Variants in PCDHGB4 observed in about 807,000 individuals in gnomAD.
PCDHGB4 encodes protocadherin gamma subfamily B, 4.
A neutral mutation model predicts 60.5 loss-of-function variants in PCDHGB4; 38 were observed. The ratio of observed to expected loss-of-function variants is 0.63; its 90% confidence interval spans 0.48 to 0.82. The LOEUF is 0.82. PCDHGB4 is among the 40% of genes least tolerant of loss of function. The probability of loss-of-function intolerance (pLI) is 0.00; values close to 1 mark genes in which losing one functional copy is unlikely to be tolerated. For missense variants in PCDHGB4, 1,109 were observed against 1,209.6 expected (o/e 0.92, Z 1.23); for synonymous variants, 456 against 509.7 (o/e 0.89, Z 1.42).
chr5:141,430,383 G>GAA (rs139772145), intron 1 of PCDHGB4, among the ~76,000 whole-genome samples: 39 of 138,602 alleles, frequency 2.8e-4, no homozygotes, highest in African/African-American at 7.9e-4. Context: ...AGCTCATTGG[G>GAA]AAAAAAAAAA....
At chr5:141,419,109 A>T in intron 1 of PCDHGB4, 1 of 1,613,940 alleles carries the variant, frequency 6.2e-7, no homozygotes, top group Non-Finnish European at 8.5e-7. Flanking sequence ...CAGACCCCAG[A>T]GTACAACGTC....
At chr5:141,394,753 A>G (rs2093084981) in intron 1 of PCDHGB4, 1 of 1,613,278 alleles carries the variant, frequency 6.2e-7, no homozygotes, top group Admixed American at 1.7e-5. Context: ...GTGGCCGTCC[A>G]GGACCATGGC....
intron 1 of PCDHGB4, chr5:141,409,624 G>A (rs747166507): frequency 2.5e-6 from 4 of 1,613,846 alleles, no homozygotes; most frequent in Non-Finnish European, 3.4e-6. Flanking sequence ...TTGCGCAAGT[G>A]AGCGCCTCTG....
chr5:141,430,832 G>A (rs1398773861), intron 1 of PCDHGB4: 1 of 1,555,686 alleles, frequency 6.4e-7, no homozygotes, highest in South Asian at 1.3e-5. Flanking sequence ...GACTCTGTGG[G>A]AGACCGGATG....
At chr5:141,473,501 G>A (rs1053399138) in intron 1 of PCDHGB4, among the ~76,000 whole-genome samples, 2 of 152,188 alleles carry the variant, frequency 1.3e-5, no homozygotes, top group South Asian at 4.1e-4. Context: ...GGTGTTCTGA[G>A]AGAGCATAAC....
intron 1 of PCDHGB4, among the ~76,000 whole-genome samples, chr5:141,461,980 C>G (rs759291534): frequency 9.2e-5 from 14 of 152,176 alleles, no homozygotes; most frequent in Non-Finnish European, 1.5e-4. Flanking sequence ...TATGCCACCA[C>G]GCCAGGCTAA....
At chr5:141,413,329 A>G (rs762420040) in intron 1 of PCDHGB4, 1 of 1,613,966 alleles carries the variant, frequency 6.2e-7, no homozygotes, top group Non-Finnish European at 8.5e-7. Context: ...CGTGGGCAAC[A>G]TCTCCAAGGA....
intron 1 of PCDHGB4, among the ~76,000 whole-genome samples, chr5:141,457,480 G>T (rs566798464): frequency 6.6e-6 from 1 of 152,148 alleles, no homozygotes; most frequent in African/African-American, 2.4e-5. Context: ...GCAGGGCCAG[G>T]GTTAGTCTAA....
In PCDHGB4 at chr5:141,387,729, A is replaced by C. The variant is rs536775462; in HGVS notation, c.-156A>C. ...GCCCCAGCTCAGACTCCCCAGCGCC[A>C]GCCTTTACACCGCTTCCTCCTCGGA... On this transcript the variant is annotated 5_prime_UTR_variant, in exon 1 of 4. Coordinates refer to ENST00000519479, the MANE Select transcript of PCDHGB4 (RefSeq NM_003736.4). The C allele has an allele frequency of 4.9e-6, 6 of 1,227,140 alleles. No individual in the cohort carries two copies. The African/African-American group carries it at 7.6e-5, about 16-fold the overall frequency. The allele number at this position is 1,227,140 out of a possible 1,614,324, so 76.0% of individuals were successfully genotyped here.
intron 1 of PCDHGB4, among the ~76,000 whole-genome samples, chr5:141,429,564 C>A (rs995466828): frequency 2.0e-5 from 3 of 152,092 alleles, no homozygotes; most frequent in African/African-American, 7.2e-5. Flanking sequence ...TGATAATATT[C>A]AGTTACATTT....
chr5:141,418,618 A>T, intron 1 of PCDHGB4: 5 of 1,614,046 alleles, frequency 3.1e-6, no homozygotes, highest in Non-Finnish European at 4.2e-6. Context: ...GCCTTCGGGA[A>T]GACGTGCCTC....
rs756243026 is a variant in PCDHGB4, at chr5:141,487,478, T to C, written c.2398-7329T>C. On this transcript the variant is annotated intron_variant, in intron 1 of 3. Transcript: ENST00000519479. This position sits in a 1 kb window ranked among gnomAD's most constrained non-coding sequence, Gnocchi z 5.0. ...CAAGTTTGTTGATGTGGGAGGCCAC[T>C]CTCATGGCTGTACACCCTTGGCTTC... is the stretch of plus-strand genomic sequence containing the variant. 6 of 1,614,078 alleles carry C rather than the reference T, an allele frequency of 3.7e-6. No individual in the cohort carries two copies. In the Admixed American group the frequency reaches 1.0e-4, roughly 27 times the overall value.
At chr5:141,480,982 C>T (rs1258067957) in intron 1 of PCDHGB4, among the ~76,000 whole-genome samples, 1 of 152,150 alleles carries the variant, frequency 6.6e-6, no homozygotes, top group African/African-American at 2.4e-5. Context: ...TCAGTGAACC[C>T]AGGATGTGGA....
intron 1 of PCDHGB4, among the ~76,000 whole-genome samples, chr5:141,454,989 T>C (rs1460420144): frequency 6.6e-6 from 1 of 151,506 alleles, no homozygotes; most frequent in East Asian, 2.0e-4. Context: ...TTAAAAAATA[T>C]TTTTAGTAGA....
At chr5:141,471,963 T>C (rs2024084) in intron 1 of PCDHGB4, among the ~76,000 whole-genome samples, 27,680 of 152,068 alleles carry the variant, frequency 0.18, 3,629 homozygotes, top group African/African-American at 0.37. Context: ...GTGGGGTTGG[T>C]TGCATTACTG....
At chr5:141,405,257 A>T (rs747554046) in intron 1 of PCDHGB4, 2 of 1,613,954 alleles carry the variant, frequency 1.2e-6, no homozygotes, top group Non-Finnish European at 1.7e-6. Flanking sequence ...GAGTCACCTG[A>T]TCTTCCCCCA....
chr5:141,481,085 A>T (rs1200522212), intron 1 of PCDHGB4, among the ~76,000 whole-genome samples: 1 of 152,192 alleles, frequency 6.6e-6, no homozygotes, highest in African/African-American at 2.4e-5. Flanking sequence ...AAGAAAAAAG[A>T]AAAGCAGTAC....
intron 1 of PCDHGB4, chr5:141,418,233 ATGT>A: frequency 6.2e-7 from 1 of 1,614,048 alleles, no homozygotes; most frequent in Admixed American, 1.7e-5. Context: ...GTGATTGAGG[ATGT>A]TAATGACCAC....
chr5:141,422,175 T>G (rs2096631593), intron 1 of PCDHGB4: 1 of 1,564,276 alleles, frequency 6.4e-7, no homozygotes, highest in Non-Finnish European at 8.6e-7. Context: ...ATAGATTCTA[T>G]GAGATGGAAA....
Sources: gnomAD v4.1 joint callset for allele counts (sites outside exome capture counted in the v4.1 genomes callset) on GRCh38, gnomAD v4.1.1 for gene constraint, Gnocchi (gnomAD v3.1) non-coding constraint, MANE v1.5 for transcripts, NCBI Gene and HGNC (gene_info 2026-07-23, HGNC 2026-07-21) for gene names.